STON1: variants seen among roughly 807,000 people sequenced by gnomAD.
STON1 encodes stonin-1.
Under a neutral mutation model 60.9 loss-of-function variants are expected in STON1, and 79 were observed. That is an observed-to-expected ratio of 1.30 (90% CI 1.08 to 1.56). The LOEUF is 1.56. STON1 is among the 40% of genes most tolerant of loss of function. STON1 has a pLI of 0.00. For synonymous variants in STON1, 363 were observed against 306.9 expected (o/e 1.18, Z -1.91); for missense variants, 1,166 against 858.9 (o/e 1.36, Z -4.47).
chr2:48,556,743 G>A (rs1470595494), intron 1 of STON1, among the ~76,000 whole-genome samples: 5 of 28,082 alleles, frequency 1.8e-4, no homozygotes, highest in African/African-American at 1.8e-4. Context: ...GGCCGGGCGG[G>A]GGGCTGACCC....
At chr2:48,583,108 A>T (rs1673993119) in intron 2 of STON1, among the ~76,000 whole-genome samples, 2 of 152,174 alleles carry the variant, frequency 1.3e-5, no homozygotes, top group Non-Finnish European at 2.9e-5. Flanking sequence ...TTTGTTTTTG[A>T]CATGGCATCT....
rs1489944721 is a variant in STON1 at position 48,596,817 on chromosome 2, G to A, written c.*1515G>A. On this transcript the variant is annotated 3_prime_UTR_variant, in exon 4 of 4. Transcript: ENST00000404752. ...TGTAAAGGCAAAGAATGCAATAGGT[G>A]ATGGTTGGTTGAAAGGAATTGTTAT... The A allele has an allele frequency of 6.6e-6, 1 of 152,110 alleles. No individual in the cohort carries two copies. Among genetic ancestry groups the A allele is most frequent in the East Asian group, 1.9e-4 (1 of 5,194 alleles). 9.4% of individuals were successfully genotyped at this position (152,110 alleles called of 1,614,324 possible).
In STON1 at chr2:48,542,971, CTTT is replaced by C. The variant is rs761874001; in HGVS notation, c.-48+12774_-48+12776del. Among the ~76,000 whole-genome samples, 555 of 105,458 alleles carry C rather than the reference CTTT, an allele frequency of 5.3e-3. 3 individuals are homozygous for C. Among genetic ancestry groups the C allele is most frequent in the African/African-American group, 0.019 (518 of 27,970 alleles). 69.2% of individuals were successfully genotyped at this position (105,458 alleles called of 152,430 possible). A position where few individuals can be genotyped will look rare whatever the true frequency, so the allele number is the denominator to read the frequency against. On this transcript the variant is annotated intron_variant, in intron 1 of 3. Transcript: ENST00000404752. ...GCCGTGGTTACTCCTAATATCTTGACTTTTTTTTTTTTTTTTTTTTTGAGATAG... is the reference window on the plus strand; with the variant it reads ...GCCGTGGTTACTCCTAATATCTTGACTTTTTTTTTTTTTTTTTTGAGATAG...
chr2:48,578,295 G>A (rs1673638783), intron 1 of STON1, among the ~76,000 whole-genome samples: 1 of 152,188 alleles, frequency 6.6e-6, no homozygotes. Context: ...TCCATGTTGA[G>A]TTGATGGTTG....
At chr2:48,591,572 G>C (rs1289903697) in intron 2 of STON1, 81 bp from the exon 3 acceptor site, 1 of 1,537,614 alleles carries the variant, frequency 6.5e-7, no homozygotes, top group Admixed American at 1.9e-5. Flanking sequence ...ATTAAGGAGA[G>C]AGATGAGTGC....
chr2:48,553,106 G>A lies in STON1; in HGVS notation c.-48+22890G>A, dbSNP rs532566870. Among the ~76,000 whole-genome samples, 3 of 152,186 alleles carry A rather than the reference G, an allele frequency of 2.0e-5. No homozygotes were observed. In the South Asian group the frequency reaches 6.2e-4, roughly 32 times the overall value. On this transcript the variant is annotated intron_variant, in intron 1 of 3. Coordinates refer to ENST00000404752, the MANE Select transcript of STON1 (RefSeq NM_006873.4). ...ACGGAAGCTTCTGGGTCATTTCAGG[G>A]GTATGACTAGAATTGTCACAACATC... is the stretch of plus-strand genomic sequence containing the variant.
intron 1 of STON1, among the ~76,000 whole-genome samples, chr2:48,566,396 G>C (rs914923127): frequency 6.7e-6 from 1 of 150,074 alleles, no homozygotes; most frequent in Non-Finnish European, 1.5e-5. Context: ...GGCTGGTCTC[G>C]ATCTTCTGAC....
intron 1 of STON1, among the ~76,000 whole-genome samples, chr2:48,549,039 C>A (rs1027006674): frequency 3.3e-5 from 5 of 152,106 alleles, no homozygotes; most frequent in African/African-American, 1.2e-4. Flanking sequence ...CTTGATTTCC[C>A]TCACCGCCTC....
intron 1 of STON1, among the ~76,000 whole-genome samples, chr2:48,564,499 T>TTCC (rs1672804853): frequency 4.7e-5 from 1 of 21,416 alleles, no homozygotes; most frequent in Non-Finnish European, 8.6e-5. Flanking sequence ...CTTCTTCTTC[T>TTCC]TCTTCTTCTT....
At chr2:48,582,605 C>G (rs528763547) in intron 2 of STON1, 42 bp downstream of exon 2, 2 of 1,570,744 alleles carry the variant, frequency 1.3e-6, no homozygotes, top group South Asian at 1.2e-5. Context: ...TGGGAAATAG[C>G]TTAAATATTC....
intron 1 of STON1, among the ~76,000 whole-genome samples, chr2:48,546,998 T>G (rs1423525928): frequency 6.6e-6 from 1 of 152,212 alleles, no homozygotes; most frequent in Non-Finnish European, 1.5e-5. Context: ...CTTAGTGAGT[T>G]TCTGTTGAGT....
At chr2:48,582,750 A>G (rs983703834) in intron 2 of STON1, among the ~76,000 whole-genome samples, 187 bp downstream of exon 2, 1 of 152,242 alleles carries the variant, frequency 6.6e-6, no homozygotes, top group African/African-American at 2.4e-5. Context: ...TATTTCTACC[A>G]GATAAGTTTA....
At chr2:48,569,730 G>A (rs995240773) in intron 1 of STON1, among the ~76,000 whole-genome samples, 2 of 152,070 alleles carry the variant, frequency 1.3e-5, no homozygotes, top group Non-Finnish European at 2.9e-5. Flanking sequence ...TTATTTATAG[G>A]GCTTGTTGCA....
rs1195317268 is a variant in STON1 at position 48,598,447 on chromosome 2, T to C, written c.*3145T>C. On this transcript the variant is annotated 3_prime_UTR_variant, in exon 4 of 4. Coordinates refer to ENST00000404752, the MANE Select transcript of STON1 (RefSeq NM_006873.4). ...AAATATAAGACAGGTTGAGCCTTAA[T>C]CATGTAACAAAATATTTTGTAGATT... 6.6e-6 allele frequency: 1 copy of C among 152,636 alleles called. No individual in the cohort carries two copies. The highest frequency in any genetic ancestry group is 1.5e-5 in the Non-Finnish European group (1 of 68,028). 9.5% of individuals were successfully genotyped at this position (152,636 alleles called of 1,614,324 possible).
At chr2:48,577,202 T>G (rs1039012031) in intron 1 of STON1, among the ~76,000 whole-genome samples, 4 of 152,218 alleles carry the variant, frequency 2.6e-5, no homozygotes, top group African/African-American at 9.7e-5. Flanking sequence ...GTTTTTGCTT[T>G]TGTTGCCTGT....
In STON1 at chr2:48,542,356, T is replaced by C. The variant is rs537545583; in HGVS notation, c.-48+12140T>C. On this transcript the variant is annotated intron_variant, in intron 1 of 3. Coordinates refer to ENST00000404752, the MANE Select transcript of STON1 (RefSeq NM_006873.4). ...GGCTTTGGAGTCAAGCAGATCTGGGTTTGAATCTAAGCTTTGCCACTAATT... is the reference window on the plus strand; with the variant it reads ...GGCTTTGGAGTCAAGCAGATCTGGGCTTGAATCTAAGCTTTGCCACTAATT... Among the ~76,000 whole-genome samples, 92 of 152,182 alleles carry C rather than the reference T, an allele frequency of 6.0e-4. 1 individual carries two copies. Among genetic ancestry groups the C allele is most frequent in the Admixed American group, 3.9e-4 (6 of 15,274 alleles).
chr2:48,537,419 C>T (rs867007613), intron 1 of STON1, among the ~76,000 whole-genome samples: 4 of 151,990 alleles, frequency 2.6e-5, no homozygotes, highest in Middle Eastern at 3.4e-3. Flanking sequence ...ATAAGATGAG[C>T]GTATTAATTG....
chr2:48,565,735 G>C (rs1672915906), intron 1 of STON1, among the ~76,000 whole-genome samples: 1 of 152,160 alleles, frequency 6.6e-6, no homozygotes, highest in Non-Finnish European at 1.5e-5. Flanking sequence ...CTAGAGTAGG[G>C]ACAGAGGAGG....
chr2:48,567,970 A>G (rs6727929), intron 1 of STON1, among the ~76,000 whole-genome samples: 53,683 of 152,078 alleles, frequency 0.35, 9,660 homozygotes, highest in East Asian at 0.42. Context: ...AAAACAGCCA[A>G]TGGAACCGCA....
Sources: allele counts gnomAD v4.1 joint callset (sites outside exome capture counted in the v4.1 genomes callset), GRCh38; gene constraint gnomAD v4.1.1; transcripts MANE v1.5; gene names NCBI Gene and HGNC (gene_info 2026-07-23, HGNC 2026-07-21).